Variants in CRTAC1 observed in about 807,000 individuals in gnomAD.
CRTAC1 encodes acidic secreted protein in cartilage.
A neutral mutation model predicts 67.8 loss-of-function variants in CRTAC1; 37 were observed. That is an observed-to-expected ratio of 0.55 (90% CI 0.42 to 0.72). CRTAC1 has a LOEUF of 0.72. Ranked by LOEUF, CRTAC1 falls within the 30% of genes least tolerant of loss-of-function variation. The pLI, the probability that CRTAC1 is intolerant of heterozygous loss-of-function variation, is 0.00. For synonymous variants in CRTAC1, 348 were observed against 371.0 expected, an observed-to-expected ratio of 0.94 and a Z score of 0.71; for missense variants, 780 against 931.6, an observed-to-expected ratio of 0.84 and a Z score of 2.12.
chr10:97,916,965 A>G (rs2050767522), intron 5 of CRTAC1, among the ~76,000 whole-genome samples: 1 of 151,872 alleles, frequency 6.6e-6, no homozygotes, highest in Non-Finnish European at 1.5e-5. Flanking sequence ...TTCAAAAAAA[A>G]GTGCTGGAGA....
chr10:97,965,616 T>TG (rs889632205), intron 2 of CRTAC1, among the ~76,000 whole-genome samples: 4 of 151,080 alleles, frequency 2.6e-5, no homozygotes, highest in East Asian at 1.9e-4. Context: ...GAGTTGTTGT[T>TG]TTTTTTTTTA....
intron 14 of CRTAC1, chr10:97,869,964 G>C (rs372299620): frequency 9.8e-5 from 15 of 152,342 alleles, no homozygotes; most frequent in East Asian, 3.9e-4. Flanking sequence ...CTCCACATCA[G>C]ATCTGAATTT....
At chr10:97,965,265 C>T (rs766906564) in intron 2 of CRTAC1, among the ~76,000 whole-genome samples, 4 of 152,174 alleles carry the variant, frequency 2.6e-5, no homozygotes, top group Non-Finnish European at 5.9e-5. Flanking sequence ...CTCTGTGTGC[C>T]AACTCAGCCC....
chr10:97,907,657 T>A (rs76669558), intron 6 of CRTAC1, among the ~76,000 whole-genome samples: 3,526 of 151,978 alleles, frequency 0.023, 132 homozygotes, highest in African/African-American at 0.079. Flanking sequence ...AACTGAATGT[T>A]GAAGATAAAT....
Position 98,029,228 on chromosome 10 carries a change from G to C in CRTAC1, c.24+1221C>G, listed in dbSNP as rs1203781474. Among the ~76,000 whole-genome samples the C allele has an allele frequency of 1.3e-5, 2 of 152,164 alleles. No homozygotes were observed. The highest frequency in any genetic ancestry group is 4.8e-5 in the African/African-American group (2 of 41,440). On this transcript the variant is annotated intron_variant, in intron 1 of 14. Coordinates refer to ENST00000370597, the MANE Select transcript of CRTAC1 (RefSeq NM_018058.7). This position sits in a 1 kb window ranked among gnomAD's most constrained non-coding sequence, Gnocchi z 4.7. The stretch of plus-strand genomic sequence containing the variant: ...TCTAATTCAGTCTTGGACATCTCCA[G>C]CCCCAAGTCGTCTGGGTTCCAAATC...
chr10:98,022,154 G>T (rs113515537), intron 1 of CRTAC1, among the ~76,000 whole-genome samples: 2,843 of 152,134 alleles, frequency 0.019, 84 homozygotes, highest in African/African-American at 0.064. Flanking sequence ...TCAGGAGTTT[G>T]AGACCAGCCT....
At chr10:97,946,591 A>T (rs2051268082) in intron 2 of CRTAC1, among the ~76,000 whole-genome samples, 1 of 152,250 alleles carries the variant, frequency 6.6e-6, no homozygotes, top group Non-Finnish European at 1.5e-5. Context: ...TAGCAAGGCC[A>T]GTGAAAGTGG....
chr10:97,901,738 C>A, intron 7 of CRTAC1, 99 bp from the exon 8 acceptor site: 2 of 1,447,736 alleles, frequency 1.4e-6, no homozygotes, highest in East Asian at 2.4e-5. Flanking sequence ...AAATAAGAGA[C>A]AGTCCAACCC....
At chr10:97,937,603 T>C (rs1398715683) in intron 2 of CRTAC1, among the ~76,000 whole-genome samples, 1 of 152,234 alleles carries the variant, frequency 6.6e-6, no homozygotes, top group Non-Finnish European at 1.5e-5. Context: ...GCTGATTGAA[T>C]GAATGAAAGC....
chr10:97,909,006 T>G (rs2050652446), intron 5 of CRTAC1, among the ~76,000 whole-genome samples: 1 of 152,214 alleles, frequency 6.6e-6, no homozygotes, highest in Non-Finnish European at 1.5e-5. Context: ...CTTTTTTCTT[T>G]GAATGTCTTT....
chr10:98,015,563 A>C (rs1204944527), intron 1 of CRTAC1, among the ~76,000 whole-genome samples: 2 of 152,228 alleles, frequency 1.3e-5, no homozygotes, highest in Non-Finnish European at 2.9e-5. Context: ...TCATCTCAAG[A>C]TATTCTGACT....
chr10:98,018,438 G>C (rs1189494892), intron 1 of CRTAC1, among the ~76,000 whole-genome samples: 1 of 152,102 alleles, frequency 6.6e-6, no homozygotes, highest in Non-Finnish European at 1.5e-5. Context: ...CAGGCAGGCG[G>C]CAGCCAACTT....
intron 2 of CRTAC1, among the ~76,000 whole-genome samples, chr10:97,990,305 T>G (rs1410195423): frequency 6.6e-6 from 1 of 152,246 alleles, no homozygotes; most frequent in Non-Finnish European, 1.5e-5. Context: ...ACTATAGCGC[T>G]CATTTTTGCT....
chr10:97,990,076 A>G (rs961810659), intron 2 of CRTAC1, among the ~76,000 whole-genome samples: 1 of 152,238 alleles, frequency 6.6e-6, no homozygotes, highest in South Asian at 2.1e-4. Flanking sequence ...AGGTGTGACG[A>G]TACCTTTTAA....
chr10:97,916,041 C>T (rs558178548), intron 5 of CRTAC1, among the ~76,000 whole-genome samples: 6 of 152,230 alleles, frequency 3.9e-5, no homozygotes, highest in African/African-American at 1.2e-4. Context: ...GTGAACAATG[C>T]CCCCTTCATG....
At chr10:97,934,191 T>G (rs868389893) in intron 3 of CRTAC1, among the ~76,000 whole-genome samples, 29 of 152,224 alleles carry the variant, frequency 1.9e-4, no homozygotes, top group African/African-American at 6.8e-4. Context: ...TCACCCCTTC[T>G]ATAGGCATCC....
chr10:97,963,209 C>T (rs1564914052), intron 2 of CRTAC1, among the ~76,000 whole-genome samples: 1 of 152,148 alleles, frequency 6.6e-6, no homozygotes, highest in Admixed American at 6.5e-5. Flanking sequence ...GCGTCCCAAC[C>T]CTCCCTACTT....
chr10:97,958,486 C>T (rs2051475161), intron 2 of CRTAC1, among the ~76,000 whole-genome samples: 1 of 152,136 alleles, frequency 6.6e-6, no homozygotes, highest in Non-Finnish European at 1.5e-5. Flanking sequence ...AACCAACAGA[C>T]TTTATTTTTT....
chr10:97,886,784 A>G (rs1361402026), intron 11 of CRTAC1, among the ~76,000 whole-genome samples: 1 of 151,146 alleles, frequency 6.6e-6, no homozygotes, highest in East Asian at 2.0e-4. Flanking sequence ...AGTTGGGATT[A>G]CAGGCATGTA....
Sources: gnomAD v4.1 joint callset for allele counts (sites outside exome capture counted in the v4.1 genomes callset) on GRCh38, gnomAD v4.1.1 for gene constraint, Gnocchi (gnomAD v3.1) non-coding constraint, MANE v1.5 for transcripts, NCBI Gene and HGNC (gene_info 2026-07-23, HGNC 2026-07-21) for gene names.